The following HMCN2 variants were observed in gnomAD, a reference collection of about 807,000 sequenced individuals.
HMCN2 encodes the protein hemicentin 2.
Under a neutral mutation model 377.5 loss-of-function variants are expected in HMCN2, and 325 were observed. The ratio of observed to expected loss-of-function variants is 0.86; its 90% confidence interval spans 0.79 to 0.94. The LOEUF is 0.94. HMCN2 is among the 40% of genes least tolerant of loss of function. The pLI is 0.00. For synonymous variants in HMCN2, 2,007 were observed against 2,046.8 expected, an observed-to-expected ratio of 0.98 and a Z score of 0.53; for missense variants, 4,543 against 4,725.3, an observed-to-expected ratio of 0.96 and a Z score of 1.13.
rs553381866 is a variant in HMCN2, at chr9:130,354,843, G to C, written c.4945G>C (p.Val1649Leu). ...TGGGAGGCCTGTGGCGCTGGAGTGC[G>C]TGGCCAGAGGCCACCCGTCCCCCAC... ...VAGRPVALECVARGHPSPTLS... is the reference protein window; with the variant it reads ...VAGRPVALECLARGHPSPTLS... The change falls in exon 32 of 98, where the codon GTG (valine) becomes CTG (leucine). Residue 1649 changes from valine (V) to leucine (L), a missense_variant. This residue lies in a region of HMCN2 where 1,032 missense variants were observed against 1,285.1 expected (regional missense o/e 0.80). Transcript: ENST00000683500. The C allele has an allele frequency of 2.9e-4, 373 of 1,304,242 alleles. 4 individuals carry two copies. In the South Asian group the frequency reaches 4.2e-3, roughly 15 times the overall value. 80.8% of individuals were successfully genotyped at this position (1,304,242 alleles called of 1,614,324 possible). A position where few individuals can be genotyped will look rare whatever the true frequency, so the allele number is the denominator to read the frequency against.
chr9:130,399,064 G>A (rs1407721513), intron 75 of HMCN2, among the ~76,000 whole-genome samples: 7 of 151,956 alleles, frequency 4.6e-5, no homozygotes, highest in Admixed American at 4.6e-4. Context: ...ACCAGACTGG[G>A]CAACATAGTG....
At position 130,355,519 on chromosome 9, in the gene HMCN2, CA is replaced by C. The variant is rs779188308; in HGVS notation, c.5147-226del. ...CCGGACTCCTGAGCCCTCAGTCTGC[CA>C]GGGAGGCAGATGTTAAATAATTAGG... On this transcript the variant is annotated intron_variant, in intron 32 of 97. Transcript: ENST00000683500. Among the ~76,000 whole-genome samples the C allele has an allele frequency of 2.0e-5, 3 of 152,334 alleles. No individual in the cohort carries two copies. The East Asian group carries it at 5.8e-4, about 29-fold the overall frequency.
intron 80 of HMCN2, among the ~76,000 whole-genome samples, chr9:130,404,362 A>T: frequency 6.6e-6 from 1 of 152,142 alleles, no homozygotes; most frequent in Admixed American, 6.5e-5. Context: ...GTGAACTCAG[A>T]GGGGCTCCTG....
chr9:130,268,707 C>G (rs1381894726), intron 1 of HMCN2, among the ~76,000 whole-genome samples: 1 of 149,032 alleles, frequency 6.7e-6, no homozygotes, highest in East Asian at 1.9e-4. Flanking sequence ...AGAGAGGACT[C>G]CCTGGGGCAT....
At position 130,357,855 on chromosome 9, in the gene HMCN2, T is replaced by C. The variant is rs1473798194; in HGVS notation, c.5447T>C (p.Ile1816Thr). Residue 1816 changes from isoleucine (I) to threonine (T), a missense_variant, in exon 35 of 98, where the codon ATT (isoleucine) becomes ACT (threonine). This residue lies in a region of HMCN2 where 1,032 missense variants were observed against 1,285.1 expected (regional missense o/e 0.80). Transcript: ENST00000683500. ...SVHEFPSVSI[I>T]GGENITAPFL... ...CCAGAGTTCCCATCGGTCAGTATCATTGGGGGTGAGAACATCACAGCTCCT... is the reference window on the plus strand; with the variant it reads ...CCAGAGTTCCCATCGGTCAGTATCACTGGGGGTGAGAACATCACAGCTCCT... 1.6e-5 allele frequency: 21 copies of C among 1,303,708 alleles called. No individual in the cohort carries two copies. The highest frequency in any genetic ancestry group is 5.5e-5 in the East Asian group (1 of 18,020). The allele number at this position is 1,303,708 out of a possible 1,614,324, so 80.8% of individuals were successfully genotyped here.
chr9:130,409,001 A>G (rs1843265015), intron 84 of HMCN2, 68 bp downstream of exon 84: 2 of 1,110,122 alleles, frequency 1.8e-6, no homozygotes, highest in Admixed American at 2.5e-5. Context: ...AGATTGTTCA[A>G]GAGGGTTCTT....
chr9:130,361,328 A>T lies in HMCN2; in HGVS notation c.5951-680A>T, dbSNP rs957695506. On this transcript the variant is annotated intron_variant, in intron 38 of 97. Transcript: ENST00000683500. The surrounding 1 kb of genome is among the most constrained non-coding windows in gnomAD (Gnocchi z 4.8). ...CTGTGGAGTCCAGGAGGCATCTTTGACACTTGGATACCTACACTGAGGTCT... is the reference window on the plus strand; with the variant it reads ...CTGTGGAGTCCAGGAGGCATCTTTGTCACTTGGATACCTACACTGAGGTCT... Among the ~76,000 whole-genome samples the T allele has an allele frequency of 3.3e-5, 5 of 152,204 alleles. No homozygotes were observed. The highest frequency in any genetic ancestry group is 5.9e-5 in the Non-Finnish European group (4 of 68,034).
chr9:130,315,949 C>T (rs1405107009), intron 15 of HMCN2, among the ~76,000 whole-genome samples: 2 of 152,210 alleles, frequency 1.3e-5, no homozygotes, highest in Non-Finnish European at 1.5e-5. Flanking sequence ...ATCTCCAATA[C>T]CATCACACTG....
chr9:130,297,688 C>G (rs1836245872), intron 7 of HMCN2, among the ~76,000 whole-genome samples: 2 of 152,182 alleles, frequency 1.3e-5, no homozygotes, highest in Non-Finnish European at 2.9e-5. Flanking sequence ...GTTTGTTATT[C>G]TTGTCAGCCC....
chr9:130,368,786 A>G (rs946471206), intron 44 of HMCN2, among the ~76,000 whole-genome samples: 2 of 152,118 alleles, frequency 1.3e-5, no homozygotes, highest in Non-Finnish European at 2.9e-5. Context: ...TCAAACAACC[A>G]GATCTCCTGA....
intron 97 of HMCN2, 164 bp downstream of exon 97, chr9:130,432,719 G>A: frequency 1.4e-6 from 1 of 703,304 alleles, no homozygotes; most frequent in Non-Finnish European, 2.4e-6. Flanking sequence ...AGAGAACGGG[G>A]ACACAGGAGC....
Position 130,283,502 on chromosome 9 carries a change from T to C in HMCN2, c.260-1101T>C, listed in dbSNP as rs546205689. 2.6e-5 allele frequency among the ~76,000 whole-genome samples: 4 copies of C among 151,284 alleles called. No individual in the cohort carries two copies. The East Asian group carries it at 7.9e-4, about 30-fold the overall frequency. ...TACATACATTGAAATGCTCCGATCT[T>C]AGCTGCACACTTTTGACAAATGATA... On this transcript the variant is annotated intron_variant, in intron 1 of 97. Coordinates refer to ENST00000683500, the MANE Select transcript of HMCN2 (RefSeq NM_001291815.2).
chr9:130,365,764 G>A, intron 42 of HMCN2, 37 bp downstream of exon 42: 1 of 980,000 alleles, frequency 1.0e-6, no homozygotes, highest in Non-Finnish European at 1.2e-6. Context: ...GGAGGGGGCT[G>A]CTGCCTTGAT....
chr9:130,360,446 G>A lies in HMCN2; in HGVS notation c.5792G>A (p.Gly1931Asp), dbSNP rs539953233. The A allele has an allele frequency of 1.5e-6, 2 of 1,299,990 alleles. No individual in the cohort carries two copies. Among genetic ancestry groups the A allele is most frequent in the African/African-American group, 1.5e-5 (1 of 65,442 alleles). The allele number at this position is 1,299,990 out of a possible 1,614,324, so 80.5% of individuals were successfully genotyped here. ...TCCCCAGATGTCTCCTGGTTCAAGG[G>A]CCACCAACCTGTCTCTTCATGGATG... ...VPPPDVSWFKGHQPVSSWMGV... is the reference protein window; with the variant it reads ...VPPPDVSWFKDHQPVSSWMGV... Residue 1931 changes from glycine (G) to aspartate (D), a missense_variant, in exon 38 of 98, where the codon GGC becomes GAC. By Grantham distance (94) the Gly-to-Asp change is moderately conservative (BLOSUM62 -1). Transcript: ENST00000683500. This position sits in a 1 kb window ranked among gnomAD's most constrained non-coding sequence, Gnocchi z 4.7.
intron 15 of HMCN2, among the ~76,000 whole-genome samples, 168 bp downstream of exon 15, chr9:130,310,229 G>A (rs932640534): frequency 2.6e-5 from 4 of 152,248 alleles, no homozygotes; most frequent in African/African-American, 9.6e-5. Context: ...GGCGGTGCAT[G>A]CATCAGCTCT....
intron 62 of HMCN2, among the ~76,000 whole-genome samples, chr9:130,390,171 G>T (rs1199011648): frequency 6.6e-6 from 1 of 152,132 alleles, no homozygotes; most frequent in Non-Finnish European, 1.5e-5. Context: ...GGCTCCCGTG[G>T]TCACCTCTGC....
rs1844836424 is a variant in HMCN2, at chr9:130,432,711, A to G, written c.14894+156A>G. ...GGGCAGGGAGAGGCCAGAGTGGGAG[A>G]GAACGGGGACACAGGAGCACACACA... On this transcript the variant is annotated intron_variant, in intron 97 of 97. Coordinates refer to ENST00000683500, the MANE Select transcript of HMCN2 (RefSeq NM_001291815.2). The G allele has an allele frequency of 8.0e-6, 6 of 751,668 alleles. No individual in the cohort carries two copies. In the Admixed American group the frequency reaches 1.3e-4, roughly 16 times the overall value. The allele number at this position is 751,668 out of a possible 1,614,324, so 46.6% of individuals were successfully genotyped here.
intron 85 of HMCN2, 73 bp from the exon 86 acceptor site, chr9:130,418,699 C>T (rs1315336289): frequency 7.8e-7 from 1 of 1,283,516 alleles, no homozygotes; most frequent in South Asian, 2.4e-5. Flanking sequence ...CCCAGTGTGT[C>T]TAAATGAACA....
In HMCN2 at chr9:130,379,249, T is replaced by C; in HGVS notation, c.8213T>C (p.Val2738Ala). ...DDQDFNVLIQ[V>A]PPMFQKVGDF... The stretch of plus-strand genomic sequence containing the variant: ...TAAGGGCTTTGTCTCCCCCACCCAG[T>C]GCCCCCCATGTTCCAGAAGGTGGGT... Residue 2738 changes from valine to alanine, a missense_variant and splice_region_variant, in exon 54 of 98, where the codon GTG becomes GCG. Physicochemically the swap from Val to Ala is moderately conservative, Grantham distance 64. Around this residue, in one of 5 missense-constraint regions of HMCN2, gnomAD observed 736 missense variants for 773.2 expected, o/e 0.95. Transcript: ENST00000683500. 1 of 984,764 alleles carries C rather than the reference T, an allele frequency of 1.0e-6. No homozygotes were observed. The highest frequency in any genetic ancestry group is 1.2e-6 in the Non-Finnish European group (1 of 829,148). 61.0% of individuals were successfully genotyped at this position (984,764 alleles called of 1,614,324 possible). A position where few individuals can be genotyped will look rare whatever the true frequency, so the allele number is the denominator to read the frequency against.
Sources: gnomAD v4.1 joint callset for allele counts (sites outside exome capture counted in the v4.1 genomes callset) on GRCh38, gnomAD v4.1.1 for gene constraint, gnomAD v4.1.1 regional missense constraint, Gnocchi (gnomAD v3.1) non-coding constraint, MANE v1.5 for transcripts, NCBI Gene and HGNC (gene_info 2026-07-23, HGNC 2026-07-21) for gene names.